BAZ1B: variants seen among roughly 807,000 people sequenced by gnomAD.
BAZ1B encodes tyrosine-protein kinase BAZ1B.
A neutral mutation model predicts 153.8 loss-of-function variants in BAZ1B; 22 were observed. The observed-to-expected ratio is 0.14, with a 90% CI of 0.10 to 0.20. The LOEUF is 0.20. BAZ1B is among the 10% of genes least tolerant of loss of function. The pLI is 1.00. For synonymous variants in BAZ1B, 676 were observed against 633.4 expected, an observed-to-expected ratio of 1.07 and a Z score of -1.01; for missense variants, 1,325 against 1,799.3, an observed-to-expected ratio of 0.74 and a Z score of 4.77.
At chr7:73,454,880 G>A (rs187580960) in intron 13 of BAZ1B, among the ~76,000 whole-genome samples, 2 of 151,292 alleles carry the variant, frequency 1.3e-5, no homozygotes, top group East Asian at 1.9e-4. Context: ...TTTTTGAGAC[G>A]GAGTCTCGCT....
chr7:73,453,601 A>G (rs185835729), intron 13 of BAZ1B, among the ~76,000 whole-genome samples: 171 of 152,322 alleles, frequency 1.1e-3, no homozygotes, highest in Non-Finnish European at 1.6e-3. Context: ...ACTTAAGCCT[A>G]ATGAGAAGAG....
intron 9 of BAZ1B, among the ~76,000 whole-genome samples, chr7:73,466,937 C>T (rs1167738961): frequency 1.3e-5 from 2 of 151,892 alleles, no homozygotes; most frequent in Non-Finnish European, 2.9e-5. Context: ...TGTTTTGTTT[C>T]GTTTTGTTTT....
At position 73,521,866 on chromosome 7, in the gene BAZ1B, A is replaced by T. The variant is rs1791066805; in HGVS notation, c.68T>A (p.Phe23Tyr). ...VKPLPGEEPL[F>Y]TIPHTQEAFR... ...GGCCTCCTGAGTGTGCGGGATGGTG[A>T]AGAGCGGCTCCTCTCCGGGCAACGG... Residue 23 changes from phenylalanine (F) to tyrosine (Y), a missense_variant, in exon 1 of 20, where the codon TTC becomes TAC. This residue lies in a region of BAZ1B where 61 missense variants were observed against 61.5 expected (regional missense o/e 0.99). Transcript: ENST00000339594. The T allele has an allele frequency of 6.6e-7, 1 of 1,509,082 alleles. No individual in the cohort carries two copies. The highest frequency in any genetic ancestry group is 2.1e-5 in the Admixed American group (1 of 48,232). 93.5% of individuals were successfully genotyped at this position (1,509,082 alleles called of 1,614,324 possible).
At position 73,485,226 on chromosome 7, in the gene BAZ1B, A is replaced by T. The variant is rs79985593; in HGVS notation, c.891+3968T>A. Reference sequence around the variant, plus strand: ...AGAATTACACAGGTGTGAGCTAGCAAATATCAATGTTTTTAAGAAATTCAT... The same window carrying T: ...AGAATTACACAGGTGTGAGCTAGCATATATCAATGTTTTTAAGAAATTCAT... On this transcript the variant is annotated intron_variant, in intron 6 of 19. Transcript: ENST00000339594. Among the ~76,000 whole-genome samples, 126 of 152,162 alleles carry T rather than the reference A, an allele frequency of 8.3e-4. 1 individual carries two copies. In the East Asian group the frequency reaches 0.024, roughly 29 times the overall value.
chr7:73,497,151 C>T (rs1442007545), intron 4 of BAZ1B, among the ~76,000 whole-genome samples: 2 of 149,292 alleles, frequency 1.3e-5, no homozygotes, highest in East Asian at 2.0e-4. Context: ...GCTGAGGTGG[C>T]AGGATCGCTT....
intron 6 of BAZ1B, among the ~76,000 whole-genome samples, chr7:73,484,181 G>T (rs1323661839): frequency 6.6e-6 from 1 of 152,096 alleles, no homozygotes; most frequent in Non-Finnish European, 1.5e-5. Flanking sequence ...CAGGAGAATC[G>T]CTGGAGCCCA....
At chr7:73,495,324 C>T (rs1789833613) in intron 4 of BAZ1B, among the ~76,000 whole-genome samples, 1 of 152,066 alleles carries the variant, frequency 6.6e-6, no homozygotes, top group Non-Finnish European at 1.5e-5. Context: ...ATAGGACAGG[C>T]AAGTAAAGAT....
At chr7:73,445,543 T>A (rs1787801863) in intron 16 of BAZ1B, among the ~76,000 whole-genome samples, 1 of 152,232 alleles carries the variant, frequency 6.6e-6, no homozygotes, top group African/African-American at 2.4e-5. Context: ...AGCTTACAAA[T>A]AAACAGAATC....
chr7:73,494,968 T>C (rs1332007526), intron 4 of BAZ1B, among the ~76,000 whole-genome samples: 2 of 152,168 alleles, frequency 1.3e-5, no homozygotes. Context: ...CAATTCAGCT[T>C]TACACATGTT....
intron 1 of BAZ1B, among the ~76,000 whole-genome samples, chr7:73,511,379 G>A (rs1478970801): frequency 1.3e-5 from 2 of 152,138 alleles, no homozygotes; most frequent in African/African-American, 4.8e-5. Flanking sequence ...ACCTGCATGG[G>A]ATTTACAGAC....
Position 73,459,838 on chromosome 7 carries a change from C to T in BAZ1B, c.3250-120G>A. The T allele has an allele frequency of 8.2e-6, 7 of 851,992 alleles. No homozygotes were observed. In the Admixed American group the frequency reaches 8.6e-5, roughly 10 times the overall value. The allele number at this position is 851,992 out of a possible 1,614,324, so 52.8% of individuals were successfully genotyped here. On this transcript the variant is annotated intron_variant, in intron 12 of 19. Coordinates refer to ENST00000339594, the MANE Select transcript of BAZ1B (RefSeq NM_032408.4). ...CCACATAACATTCATTAAACAAAAT[C>T]GAGAGCCACATACCATTAATTTAAC...
chr7:73,452,579 G>A (rs139319393), intron 13 of BAZ1B, among the ~76,000 whole-genome samples: 2 of 152,028 alleles, frequency 1.3e-5, no homozygotes, highest in Non-Finnish European at 2.9e-5. Context: ...AAAATTAGGC[G>A]GGTGTGGTGA....
Position 73,459,091 on chromosome 7 carries a change from T to TA in BAZ1B, c.3432+444dup, listed in dbSNP as rs1788302098. On this transcript the variant is annotated intron_variant, in intron 13 of 19. Coordinates refer to ENST00000339594, the MANE Select transcript of BAZ1B (RefSeq NM_032408.4). The stretch of plus-strand genomic sequence containing the variant: ...GTGAAACCCCGTCTCTACTAAAAAA[T>TA]ACAAAAATTAGCTGGGCGTGGTGGC... Among the ~76,000 whole-genome samples, 4 of 151,138 alleles carry TA rather than the reference T, an allele frequency of 2.6e-5. No individual in the cohort carries two copies. The South Asian group carries it at 6.3e-4, about 24-fold the overall frequency.
At chr7:73,456,619 G>A (rs962332311) in intron 13 of BAZ1B, among the ~76,000 whole-genome samples, 3 of 152,062 alleles carry the variant, frequency 2.0e-5, no homozygotes, top group African/African-American at 7.2e-5. Flanking sequence ...TATCCATTAG[G>A]ATGGATACTA....
intron 1 of BAZ1B, among the ~76,000 whole-genome samples, chr7:73,511,102 A>G (rs1363783344): frequency 3.9e-5 from 6 of 151,962 alleles, no homozygotes; most frequent in African/African-American, 1.2e-4. Flanking sequence ...CCCCGTGTCT[A>G]CTAAAAATAC....
chr7:73,455,127 C>T (rs1425511233), intron 13 of BAZ1B, among the ~76,000 whole-genome samples: 5 of 151,960 alleles, frequency 3.3e-5, no homozygotes, highest in South Asian at 2.1e-4. Flanking sequence ...CCTCAAGATC[C>T]GCTAGCCTCA....
intron 6 of BAZ1B, among the ~76,000 whole-genome samples, chr7:73,481,216 C>T (rs1219266933): frequency 6.6e-6 from 1 of 151,984 alleles, no homozygotes; most frequent in Non-Finnish European, 1.5e-5. Context: ...AGCCACCCAG[C>T]CAGACCCCAA....
chr7:73,444,962 C>T (rs896527864), intron 16 of BAZ1B, among the ~76,000 whole-genome samples: 2 of 151,970 alleles, frequency 1.3e-5, no homozygotes, highest in African/African-American at 2.4e-5. Flanking sequence ...TGCAGTGAGC[C>T]GAGATCACGC....
intron 1 of BAZ1B, among the ~76,000 whole-genome samples, chr7:73,521,524 C>A (rs755670169): frequency 6.6e-6 from 1 of 152,164 alleles, no homozygotes; most frequent in Non-Finnish European, 1.5e-5. Context: ...AAAGCCAACC[C>A]GGGGAAGGTA....
Sources: gnomAD v4.1 joint callset for allele counts (sites outside exome capture counted in the v4.1 genomes callset) on GRCh38, gnomAD v4.1.1 for gene constraint, gnomAD v4.1.1 regional missense constraint, MANE v1.5 for transcripts, NCBI Gene and HGNC (gene_info 2026-07-23, HGNC 2026-07-21) for gene names.